CACNA1A: variants seen among roughly 807,000 people sequenced by gnomAD.
The protein encoded by CACNA1A is voltage-dependent P/Q-type calcium channel subunit alpha-1A.
In CACNA1A, 57 loss-of-function variants were observed where a neutral mutation model predicts 262.4. The ratio of observed to expected loss-of-function variants is 0.22; its 90% confidence interval spans 0.18 to 0.27. The LOEUF (loss-of-function observed/expected upper bound fraction) is 0.27. Ranked by LOEUF, CACNA1A falls within the 10% of genes least tolerant of loss-of-function variation. The probability of loss-of-function intolerance (pLI) is 1.00; values close to 1 mark genes in which losing one functional copy is unlikely to be tolerated. For synonymous variants in CACNA1A, 1,431 were observed against 1,419.3 expected (o/e 1.01, Z -0.18); for missense variants, 2,526 against 3,562.8 (o/e 0.71, Z 7.41).
intron 10 of CACNA1A, among the ~76,000 whole-genome samples, chr19:13,325,023 GTCT>G (rs533941131): frequency 2.3e-5 from 3 of 130,032 alleles, no homozygotes; most frequent in East Asian, 2.4e-4. Flanking sequence ...CTTCTTCTTC[GTCT>G]TCTTCTTCCT....
intron 3 of CACNA1A, among the ~76,000 whole-genome samples, chr19:13,403,079 G>C (rs2059938082): frequency 6.6e-6 from 1 of 151,234 alleles, no homozygotes; most frequent in Admixed American, 6.6e-5. Flanking sequence ...GCCAGGACTT[G>C]AGCACAGCAC....
intron 3 of CACNA1A, chr19:13,452,631 G>A: frequency 2.7e-6 from 1 of 369,988 alleles, no homozygotes; most frequent in Non-Finnish European, 4.9e-6. Flanking sequence ...TAGAGAATGG[G>A]CATAAAGCAC....
chr19:13,368,618 T>G (rs930836852), intron 4 of CACNA1A, among the ~76,000 whole-genome samples: 2 of 152,232 alleles, frequency 1.3e-5, no homozygotes, highest in Non-Finnish European at 2.9e-5. Flanking sequence ...TTCAAACATA[T>G]AGCCTGAGGC....
chr19:13,290,063 G>A (rs2057497495), intron 19 of CACNA1A, among the ~76,000 whole-genome samples: 1 of 151,566 alleles, frequency 6.6e-6, no homozygotes, highest in Non-Finnish European at 1.5e-5. Flanking sequence ...AGAGTAGCTG[G>A]GACTACAGGC....
chr19:13,309,149 C>T (rs2057965562), intron 12 of CACNA1A, among the ~76,000 whole-genome samples: 1 of 152,120 alleles, frequency 6.6e-6, no homozygotes, highest in Non-Finnish European at 1.5e-5. Context: ...ACTGGGATTA[C>T]AGGCACCCGC....
chr19:13,252,915 G>T, intron 30 of CACNA1A, 76 bp downstream of exon 30: 2 of 955,870 alleles, frequency 2.1e-6, no homozygotes, highest in South Asian at 1.5e-5. Context: ...CACGTTGGGA[G>T]ACCATCATCC....
chr19:13,247,255 T>C (rs563195670), intron 30 of CACNA1A, among the ~76,000 whole-genome samples: 1 of 152,358 alleles, frequency 6.6e-6, no homozygotes, highest in African/African-American at 2.4e-5. Flanking sequence ...GCTTCCCTCC[T>C]AGGCGAAGTG....
chr19:13,505,151 A>C (rs1348759053), intron 1 of CACNA1A, among the ~76,000 whole-genome samples: 1 of 152,116 alleles, frequency 6.6e-6, no homozygotes, highest in African/African-American at 2.4e-5. Flanking sequence ...AGGTCTTCCC[A>C]GGCCAGGGGC....
At chr19:13,397,533 T>C (rs911410924) in intron 3 of CACNA1A, among the ~76,000 whole-genome samples, 1 of 152,244 alleles carries the variant, frequency 6.6e-6, no homozygotes, top group Non-Finnish European at 1.5e-5. Flanking sequence ...ACGCAGAGAC[T>C]GATGTCTGTC....
At chr19:13,348,292 A>T (rs978703851) in intron 6 of CACNA1A, among the ~76,000 whole-genome samples, 4 of 152,170 alleles carry the variant, frequency 2.6e-5, no homozygotes, top group African/African-American at 9.7e-5. Flanking sequence ...TCACCAAAGG[A>T]GAGAAATAGA....
chr19:13,396,623 C>G (rs902256280), intron 3 of CACNA1A, among the ~76,000 whole-genome samples: 1 of 152,200 alleles, frequency 6.6e-6, no homozygotes, highest in Non-Finnish European at 1.5e-5. Context: ...TAAATAGCCT[C>G]GTGTGGCTAG....
At chr19:13,394,255 T>C (rs2059771653) in intron 3 of CACNA1A, among the ~76,000 whole-genome samples, 1 of 152,174 alleles carries the variant, frequency 6.6e-6, no homozygotes, top group Non-Finnish European at 1.5e-5. Flanking sequence ...AGCACATGGC[T>C]GGGCTGGGTC....
At chr19:13,396,230 G>C (rs2059808993) in intron 3 of CACNA1A, among the ~76,000 whole-genome samples, 1 of 152,202 alleles carries the variant, frequency 6.6e-6, no homozygotes, top group Non-Finnish European at 1.5e-5. Flanking sequence ...TCATTTCAGA[G>C]CTGAACTTGA....
At chr19:13,423,488 A>G (rs1237100813) in intron 3 of CACNA1A, among the ~76,000 whole-genome samples, 1 of 152,064 alleles carries the variant, frequency 6.6e-6, no homozygotes, top group South Asian at 2.1e-4. Context: ...ATTGAATCCC[A>G]GAGAGAATTT....
Position 13,448,111 on chromosome 19 carries a change from G to T in CACNA1A, c.539+4765C>A, listed in dbSNP as rs569167484. Among the ~76,000 whole-genome samples, 7 of 148,538 alleles carry T rather than the reference G, an allele frequency of 4.7e-5. No individual in the cohort carries two copies. In the South Asian group the frequency reaches 1.3e-3, roughly 27 times the overall value. ...AAAAAAAAAAAACAGGGCTGCAAAA[G>T]CCCATCAATGATAGACTGGATAAAG... On this transcript the variant is annotated intron_variant, in intron 3 of 46. Coordinates refer to ENST00000360228, the MANE Select transcript of CACNA1A (RefSeq NM_001127222.2).
intron 30 of CACNA1A, among the ~76,000 whole-genome samples, chr19:13,249,491 G>A (rs1390950974): frequency 6.6e-6 from 1 of 152,120 alleles, no homozygotes; most frequent in Non-Finnish European, 1.5e-5. Flanking sequence ...AAGTAGATGG[G>A]ACTGCAGGTG....
At chr19:13,228,970 G>A (rs2055572388) in intron 36 of CACNA1A, 1 of 393,212 alleles carries the variant, frequency 2.5e-6, no homozygotes, top group South Asian at 3.0e-5. Flanking sequence ...ACCCAGGGGT[G>A]TAGGATGTCA....
intron 10 of CACNA1A, among the ~76,000 whole-genome samples, chr19:13,320,697 T>A (rs916114564): frequency 1.3e-5 from 2 of 152,102 alleles, no homozygotes; most frequent in African/African-American, 4.8e-5. Flanking sequence ...TAGTTGAATT[T>A]CATACTCACT....
At chr19:13,369,163 C>A (rs879349356) in intron 4 of CACNA1A, among the ~76,000 whole-genome samples, 26 of 152,212 alleles carry the variant, frequency 1.7e-4, no homozygotes, top group Non-Finnish European at 2.8e-4. Context: ...TGTACCCGCC[C>A]TCCAGCTGCT....
Sources: gnomAD v4.1 joint callset for allele counts (sites outside exome capture counted in the v4.1 genomes callset) on GRCh38, gnomAD v4.1.1 for gene constraint, MANE v1.5 for transcripts, NCBI Gene and HGNC (gene_info 2026-07-23, HGNC 2026-07-21) for gene names.